The following CCR3 variants were observed in gnomAD, a reference collection of about 807,000 sequenced individuals.
CCR3 encodes the protein C-C chemokine receptor type 3.
For synonymous variants in CCR3, 203 were observed against 179.2 expected, an observed-to-expected ratio of 1.13 and a Z score of -1.06; for missense variants, 419 against 437.5, an observed-to-expected ratio of 0.96 and a Z score of 0.38.
chr3:46,210,973 C>T (rs1699704740), intron 2 of CCR3: 1 of 152,192 alleles, frequency 6.6e-6, no homozygotes, highest in Admixed American at 6.5e-5. Flanking sequence ...ACAATTGACT[C>T]CTAGGCCCAC....
Position 46,266,127 on chromosome 3 carries a change from C to A in CCR3, c.969C>A (p.His323Gln), listed in dbSNP as rs1700628550. 2.5e-6 allele frequency: 4 copies of A among 1,614,056 alleles called. No homozygotes were observed. The highest frequency in any genetic ancestry group is 3.4e-6 in the Non-Finnish European group (4 of 1,179,978). ...TCTTCCACAGGCACTTGCTCATGCACCTGGGCAGATACATCCCATTCCTTC... is the reference window on the plus strand; with the variant it reads ...TCTTCCACAGGCACTTGCTCATGCAACTGGGCAGATACATCCCATTCCTTC... The part of the protein sequence containing the change: ...RHFFHRHLLM[H>Q]LGRYIPFLPS... Residue 323 changes from histidine (H) to glutamine (Q), a missense_variant, in exon 2 of 2, where the codon CAC becomes CAA. His to Gln is a conservative substitution (Grantham distance 24). Coordinates refer to ENST00000395940, the MANE Select transcript of CCR3 (RefSeq NM_178329.3).
intron 1 of CCR3, among the ~76,000 whole-genome samples, chr3:46,250,458 C>G (rs1010791772): frequency 5.9e-5 from 9 of 152,030 alleles, no homozygotes; most frequent in African/African-American, 1.7e-4. Context: ...ACAAGTTGCA[C>G]TGGGCACAGA....
chr3:46,250,270 G>A (rs1269592178), intron 1 of CCR3, among the ~76,000 whole-genome samples: 4 of 152,228 alleles, frequency 2.6e-5, no homozygotes, highest in Non-Finnish European at 4.4e-5. Flanking sequence ...AGGAGGTGAG[G>A]CGATAAAAAG....
chr3:46,256,575 A>AT (rs937666550), intron 1 of CCR3, among the ~76,000 whole-genome samples: 1 of 152,200 alleles, frequency 6.6e-6, no homozygotes, highest in African/African-American at 2.4e-5. Context: ...TAATATATAT[A>AT]TTTTTGCAAG....
intron 2 of CCR3, among the ~76,000 whole-genome samples, chr3:46,230,964 G>A (rs1405954372): frequency 3.3e-5 from 5 of 152,058 alleles, no homozygotes; most frequent in Admixed American, 1.3e-4. Context: ...TCGCTCTGTC[G>A]TCCAGGCTGG....
intron 2 of CCR3, among the ~76,000 whole-genome samples, chr3:46,223,779 G>A (rs1207562734): frequency 6.6e-6 from 1 of 152,208 alleles, no homozygotes; most frequent in African/African-American, 2.4e-5. Flanking sequence ...AAAGAAGGGA[G>A]AGAGACATTT....
intron 1 of CCR3, among the ~76,000 whole-genome samples, chr3:46,257,792 A>G (rs1002854506): frequency 2.0e-5 from 3 of 152,184 alleles, no homozygotes; most frequent in Non-Finnish European, 2.9e-5. Context: ...CAGACCATCT[A>G]CAAGCTGGAG....
At chr3:46,217,343 T>C (rs111940625) in intron 2 of CCR3, among the ~76,000 whole-genome samples, 1,970 of 151,106 alleles carry the variant, frequency 0.013, 16 homozygotes, top group Non-Finnish European at 0.021. Context: ...AGAAATGAGA[T>C]TGATGGCAAC....
chr3:46,228,296 A>G (rs1162974218), intron 2 of CCR3, among the ~76,000 whole-genome samples: 1 of 151,852 alleles, frequency 6.6e-6, no homozygotes, highest in Non-Finnish European at 1.5e-5. Flanking sequence ...ACAAAGAGAA[A>G]TTTTTTTCTC....
At chr3:46,221,854 G>A (rs148397004) in intron 2 of CCR3, among the ~76,000 whole-genome samples, 98 of 152,160 alleles carry the variant, frequency 6.4e-4, no homozygotes, top group South Asian at 2.1e-3. Context: ...CAAAGAAGGG[G>A]GTCCATGAAG....
At chr3:46,247,997 T>TTG (rs1700230157) in intron 1 of CCR3, among the ~76,000 whole-genome samples, 1 of 152,182 alleles carries the variant, frequency 6.6e-6, no homozygotes, top group Non-Finnish European at 1.5e-5. Context: ...TAGTGGCTTG[T>TTG]ACTATAGCAT....
At chr3:46,259,198 C>T (rs911972641) in intron 1 of CCR3, among the ~76,000 whole-genome samples, 1 of 152,142 alleles carries the variant, frequency 6.6e-6, no homozygotes, top group Admixed American at 6.6e-5. Context: ...CTAGAAACAA[C>T]CCTAGTTCAA....
chr3:46,255,392 T>C (rs1700401428), intron 1 of CCR3, among the ~76,000 whole-genome samples: 1 of 152,216 alleles, frequency 6.6e-6, no homozygotes, highest in African/African-American at 2.4e-5. Flanking sequence ...AGAAGCTTTT[T>C]AGTTTAATTA....
intron 2 of CCR3, among the ~76,000 whole-genome samples, chr3:46,229,535 A>C (rs913427262): frequency 4.6e-5 from 7 of 152,190 alleles, no homozygotes; most frequent in African/African-American, 1.7e-4. Flanking sequence ...TAAGGACTGG[A>C]AAGCCATGGT....
intron 2 of CCR3, among the ~76,000 whole-genome samples, chr3:46,227,658 C>T (rs1034112581): frequency 6.6e-6 from 1 of 152,118 alleles, no homozygotes; most frequent in South Asian, 2.1e-4. Context: ...AAGAATTTAG[C>T]GCTGCATATT....
At chr3:46,212,466 C>T (rs1699725873) in intron 2 of CCR3, among the ~76,000 whole-genome samples, 1 of 137,730 alleles carries the variant, frequency 7.3e-6, no homozygotes, top group African/African-American at 2.6e-5. Context: ...CACCTCATTT[C>T]CCCCCTCTTG....
At chr3:46,213,819 C>T (rs894615258) in intron 2 of CCR3, among the ~76,000 whole-genome samples, 6 of 152,186 alleles carry the variant, frequency 3.9e-5, no homozygotes, top group African/African-American at 1.2e-4. Context: ...ACCTCCAGTC[C>T]ACTGATATTT....
rs41495946 is a variant in CCR3, at chr3:46,264,991, G to A, written c.-11-157G>A. 8.0e-3 allele frequency: 4,822 copies of A among 599,034 alleles called. 35 individuals are homozygous for A. Among genetic ancestry groups the A allele is most frequent in the Non-Finnish European group, 9.7e-3 (3,301 of 338,822 alleles). 37.1% of individuals were successfully genotyped at this position (599,034 alleles called of 1,614,324 possible). ...CTTTCCTTCCTCAATCCTTTTCCTG[G>A]CACCTCTGATATGCCTTTTGAAATT... On this transcript the variant is annotated intron_variant, in intron 1 of 1. Coordinates refer to ENST00000395940, the MANE Select transcript of CCR3 (RefSeq NM_178329.3).
chr3:46,237,300 T>A (rs1466181736), intron 2 of CCR3, among the ~76,000 whole-genome samples: 1 of 152,226 alleles, frequency 6.6e-6, no homozygotes, highest in African/African-American at 2.4e-5. Flanking sequence ...CAGTTGTTTT[T>A]GTTGAGTTGC....
Sources: gnomAD v4.1 joint callset for allele counts (sites outside exome capture counted in the v4.1 genomes callset) on GRCh38, gnomAD v4.1.1 for gene constraint, MANE v1.5 for transcripts, NCBI Gene and HGNC (gene_info 2026-07-23, HGNC 2026-07-21) for gene names.